SV2B: variants seen among roughly 807,000 people sequenced by gnomAD.
The protein encoded by SV2B is solute carrier family 22 member B2.
In SV2B, 41 loss-of-function variants were observed where a neutral mutation model predicts 73.9. That is an observed-to-expected ratio of 0.56 (90% confidence interval 0.43 to 0.72). The LOEUF (loss-of-function observed/expected upper bound fraction) is 0.72, where lower values mean the gene tolerates loss of function less well. SV2B is among the 30% of genes least tolerant of loss of function. The pLI is 0.00. For missense variants in SV2B, 764 were observed against 857.8 expected, an observed-to-expected ratio of 0.89 and a Z score of 1.37; for synonymous variants, 314 against 314.2, an observed-to-expected ratio of 1.00 and a Z score of 0.01.
At position 91,284,776 on chromosome 15, in the gene SV2B, G is replaced by T. The variant is rs1357311124; in HGVS notation, c.1708+555G>T. On this transcript the variant is annotated intron_variant, in intron 11 of 12. Coordinates refer to ENST00000394232, the MANE Select transcript of SV2B (RefSeq NM_001323032.3). This position sits in a 1 kb window ranked among gnomAD's most constrained non-coding sequence, Gnocchi z 4.5. ...TTCCACATCCAGCTGGTAGGGTTTT[G>T]TGAGAATTGAACATAAGGTACCTGT... is the stretch of plus-strand genomic sequence containing the variant. Among the ~76,000 whole-genome samples, 1 of 152,152 alleles carries T rather than the reference G, an allele frequency of 6.6e-6. No individual in the cohort carries two copies. Among genetic ancestry groups the T allele is most frequent in the Non-Finnish European group, 1.5e-5 (1 of 68,022 alleles).
intron 1 of SV2B, among the ~76,000 whole-genome samples, chr15:91,114,747 G>A (rs2042131616): frequency 6.6e-6 from 1 of 152,158 alleles, no homozygotes; most frequent in African/African-American, 2.4e-5. Context: ...AAAGCTTCAG[G>A]AAAAGGGCCC....
At chr15:91,256,885 A>G (rs1479928636) in intron 4 of SV2B, among the ~76,000 whole-genome samples, 1 of 152,224 alleles carries the variant, frequency 6.6e-6, no homozygotes, top group Non-Finnish European at 1.5e-5. Flanking sequence ...AAGTTGAACC[A>G]CAACGGGGAG....
At chr15:91,189,262 G>A (rs2044904984) in intron 1 of SV2B, among the ~76,000 whole-genome samples, 1 of 151,782 alleles carries the variant, frequency 6.6e-6, no homozygotes, top group African/African-American at 2.4e-5. Flanking sequence ...TGTTATTCTA[G>A]TCATTTTTTC....
At position 91,297,028 on chromosome 15, in the gene SV2B, T is replaced by TCC. The variant is rs1372547949; in HGVS notation, c.*4476_*4477insCC. 2.8e-4 allele frequency: 42 copies of TCC among 148,828 alleles called. No individual in the cohort carries two copies. The highest frequency in any genetic ancestry group is 8.4e-4 in the African/African-American group (33 of 39,440). The allele number at this position is 148,828 out of a possible 1,614,324, so 9.2% of individuals were successfully genotyped here. A position where few individuals can be genotyped will look rare whatever the true frequency, so the allele number is the denominator to read the frequency against. On this transcript the variant is annotated 3_prime_UTR_variant, in exon 13 of 13. Transcript: ENST00000394232. The surrounding 1 kb of genome is among the most constrained non-coding windows in gnomAD (Gnocchi z 5.1). The stretch of plus-strand genomic sequence containing the variant: ...TTCTGCCCGATCGTTGGGCGCACGC[T>TCC]TCTTCTGCCTGATCGTTGGGCGCAC...
intron 2 of SV2B, among the ~76,000 whole-genome samples, chr15:91,247,913 T>TGGTA (rs2047306345): frequency 6.6e-6 from 1 of 152,218 alleles, no homozygotes. Flanking sequence ...GATTGCAAAC[T>TGGTA]GGTAGGTTAG....
chr15:91,264,881 C>G (rs1027337312), intron 6 of SV2B, among the ~76,000 whole-genome samples: 16 of 152,254 alleles, frequency 1.1e-4, no homozygotes, highest in Non-Finnish European at 2.2e-4. Flanking sequence ...TTACTAAGCT[C>G]TGAGGCATAA....
chr15:91,176,612 G>C (rs2141296795), intron 1 of SV2B, among the ~76,000 whole-genome samples: 1 of 152,070 alleles, frequency 6.6e-6, no homozygotes, highest in Admixed American at 6.5e-5. Context: ...ATCTCATTGT[G>C]GTTTTGATTT....
Position 91,128,807 on chromosome 15 carries a change from A to G in SV2B, c.-392+28444A>G, listed in dbSNP as rs371003275. 1 of 152,328 alleles carries G rather than the reference A, an allele frequency of 6.6e-6. No individual in the cohort carries two copies. The highest frequency in any genetic ancestry group is 2.1e-4 in the South Asian group (1 of 4,834). 9.4% of individuals were successfully genotyped at this position (152,328 alleles called of 1,614,324 possible). ...CCCAGAGATGACCAGAGGAATCTAG[A>G]CAGGTAGGTCTTCTGGGTTTCCTCA... On this transcript the variant is annotated intron_variant, in intron 1 of 12. Transcript: ENST00000394232. The surrounding 1 kb of genome is among the most constrained non-coding windows in gnomAD (Gnocchi z 4.2).
chr15:91,237,942 T>C (rs2046855204), intron 2 of SV2B, among the ~76,000 whole-genome samples: 1 of 152,224 alleles, frequency 6.6e-6, no homozygotes, highest in Non-Finnish European at 1.5e-5. Flanking sequence ...AGTAGAGTGA[T>C]AGTCTGTATT....
chr15:91,181,278 C>A (rs915884358), intron 1 of SV2B, among the ~76,000 whole-genome samples: 1 of 151,528 alleles, frequency 6.6e-6, no homozygotes, highest in Non-Finnish European at 1.5e-5. Context: ...GAGTACCCGG[C>A]CATATGAGGT....
In SV2B at chr15:91,258,543, T is replaced by G; in HGVS notation, c.907T>G (p.Phe303Val). 1 of 1,614,000 alleles carries G rather than the reference T, an allele frequency of 6.2e-7. No individual in the cohort carries two copies. Among genetic ancestry groups the G allele is most frequent in the African/African-American group, 1.3e-5 (1 of 75,006 alleles). The change falls in exon 5 of 13, where the codon TTT becomes GTT. Residue 303 changes from phenylalanine to valine, a missense_variant. Phe to Val is a conservative substitution (Grantham distance 50, BLOSUM62 -1). Transcript: ENST00000394232. The surrounding 1 kb of genome is among the most constrained non-coding windows in gnomAD (Gnocchi z 4.7). ...GAAGTTCATGCCAGAGAGCCCAAGG[T>G]TTCTGCTAGAGGTGAGTCAGTGCTT... ...ALKFMPESPR[F>V]LLEMGKHDEA...
rs60295427 is a variant in SV2B at position 91,137,168 on chromosome 15, T to A, written c.-392+36805T>A. 8.2e-3 allele frequency among the ~76,000 whole-genome samples: 1,242 copies of A among 152,264 alleles called. 24 individuals are homozygous for A. Among genetic ancestry groups the A allele is most frequent in the African/African-American group, 0.029 (1,196 of 41,536 alleles). The stretch of plus-strand genomic sequence containing the variant: ...CACATAACCTCCAAATCCCATGTAT[T>A]TTTTCATGGTTGTATAAATTCTTTA... On this transcript the variant is annotated intron_variant, in intron 1 of 12. Transcript: ENST00000394232. This position sits in a 1 kb window ranked among gnomAD's most constrained non-coding sequence, Gnocchi z 4.9.
rs1368112838 is a variant in SV2B at position 91,234,459 on chromosome 15, G to T, written c.451+7745G>T. The stretch of plus-strand genomic sequence containing the variant: ...CAGTCACCAAAGGCAAGGGGAGTGT[G>T]GTTATTGTAGTGGACAGCAGAGGCA... On this transcript the variant is annotated intron_variant, in intron 2 of 12. Transcript: ENST00000394232. This position sits in a 1 kb window ranked among gnomAD's most constrained non-coding sequence, Gnocchi z 5.6. Among the ~76,000 whole-genome samples, 3 of 152,176 alleles carry T rather than the reference G, an allele frequency of 2.0e-5. No homozygotes were observed. Among genetic ancestry groups the T allele is most frequent in the Non-Finnish European group, 4.4e-5 (3 of 68,024 alleles).
chr15:91,255,177 A>G (rs529923233), intron 4 of SV2B, among the ~76,000 whole-genome samples: 5 of 152,106 alleles, frequency 3.3e-5, no homozygotes, highest in African/African-American at 1.2e-4. Context: ...CACACACACT[A>G]TTGTCTAAGT....
At position 91,231,539 on chromosome 15, in the gene SV2B, C is replaced by T. The variant is rs753417067; in HGVS notation, c.451+4825C>T. Among the ~76,000 whole-genome samples the T allele has an allele frequency of 3.3e-5, 5 of 152,192 alleles. No homozygotes were observed. The highest frequency in any genetic ancestry group is 7.3e-5 in the Non-Finnish European group (5 of 68,032). On this transcript the variant is annotated intron_variant, in intron 2 of 12. Transcript: ENST00000394232. The surrounding 1 kb of genome is among the most constrained non-coding windows in gnomAD (Gnocchi z 4.5). Reference sequence around the variant, plus strand: ...ATGGCAAAAACTGCAATTACTTTTGCACCAACCTATAGGATGACAATATTG... The same window carrying T: ...ATGGCAAAAACTGCAATTACTTTTGTACCAACCTATAGGATGACAATATTG...
chr15:91,273,589 G>A (rs1028987073), intron 9 of SV2B, among the ~76,000 whole-genome samples: 6 of 152,108 alleles, frequency 3.9e-5, no homozygotes, highest in Admixed American at 6.6e-5. Flanking sequence ...TGATAGTTCT[G>A]TTTTTCTCTT....
rs140617996 is a variant in SV2B, at chr15:91,107,297, G to GTTTGTTTGTTTATTTATTTATTTA, written c.-392+6937_-392+6938insGTTTGTTTATTTATTTATTTATTT. 7.0e-3 allele frequency among the ~76,000 whole-genome samples: 1,020 copies of GTTTGTTTGTTTATTTATTTATTTA among 145,820 alleles called. 4 individuals are homozygous for GTTTGTTTGTTTATTTATTTATTTA. Among genetic ancestry groups the GTTTGTTTGTTTATTTATTTATTTA allele is most frequent in the Middle Eastern group, 0.01 (3 of 292 alleles). On this transcript the variant is annotated intron_variant, in intron 1 of 12. Transcript: ENST00000394232. Reference sequence around the variant, plus strand: ...TCAGACTTCATTACTTTATTTGTTTGTTTATTTATTTATTTATTTATTTAT... The same window carrying GTTTGTTTGTTTATTTATTTATTTA: ...TCAGACTTCATTACTTTATTTGTTTGTTTGTTTGTTTATTTATTTATTTATTTATTTATTTATTTATTTATTTAT...
intron 1 of SV2B, among the ~76,000 whole-genome samples, chr15:91,171,239 T>C (rs2044111728): frequency 6.6e-6 from 1 of 152,230 alleles, no homozygotes; most frequent in African/African-American, 2.4e-5. Context: ...GGCAAGTGGC[T>C]AGACCTCTCT....
chr15:91,244,935 T>C (rs543315392), intron 2 of SV2B, among the ~76,000 whole-genome samples: 1 of 152,238 alleles, frequency 6.6e-6, no homozygotes, highest in South Asian at 2.1e-4. Flanking sequence ...AAGAAGCTCA[T>C]AATCCTCTCA....
Sources: gnomAD v4.1 joint callset for allele counts (sites outside exome capture counted in the v4.1 genomes callset) on GRCh38, gnomAD v4.1.1 for gene constraint, Gnocchi (gnomAD v3.1) non-coding constraint, MANE v1.5 for transcripts, NCBI Gene and HGNC (gene_info 2026-07-23, HGNC 2026-07-21) for gene names.